Variants in RABGAP1L observed in about 807,000 individuals in gnomAD.
RABGAP1L encodes rab GTPase-activating protein 1-like.
RABGAP1L carries 63 observed loss-of-function variants against 137.7 expected under a neutral mutation model. The observed-to-expected ratio is 0.46, with a 90% CI of 0.37 to 0.56. The LOEUF (loss-of-function observed/expected upper bound fraction) is 0.56, where lower values mean the gene tolerates loss of function less well. Among genes scored for constraint, RABGAP1L ranks in the 20% least tolerant of loss-of-function variants. The pLI, the probability that RABGAP1L is intolerant of heterozygous loss-of-function variation, is 0.00. For synonymous variants in RABGAP1L, 431 were observed against 433.7 expected (o/e 0.99, Z 0.08); for missense variants, 1,095 against 1,244.0 (o/e 0.88, Z 1.80).
At chr1:174,918,108 C>G (rs557286847) in intron 19 of RABGAP1L, among the ~76,000 whole-genome samples, 16 of 108,248 alleles carry the variant, frequency 1.5e-4, no homozygotes, top group Non-Finnish European at 2.4e-4. Context: ...ATATAAGAGG[C>G]CTTTATAATT....
At chr1:174,841,691 G>A (rs1198772102) in intron 19 of RABGAP1L, among the ~76,000 whole-genome samples, 1 of 151,928 alleles carries the variant, frequency 6.6e-6, no homozygotes, top group Non-Finnish European at 1.5e-5. Flanking sequence ...AAATAATGGG[G>A]AAATGATAAA....
At chr1:174,179,238 G>A (rs1222737433) in intron 1 of RABGAP1L, among the ~76,000 whole-genome samples, 2 of 151,656 alleles carry the variant, frequency 1.3e-5, no homozygotes, top group African/African-American at 4.9e-5. Context: ...TGTTTTCTTC[G>A]AATTGACTGT....
intron 13 of RABGAP1L, among the ~76,000 whole-genome samples, chr1:174,598,629 G>A (rs912861663): frequency 1.7e-4 from 26 of 151,954 alleles, no homozygotes; most frequent in Admixed American, 2.6e-4. Context: ...TCCTTTTGTC[G>A]AATTGACCCC....
chr1:174,688,624 G>C (rs1385414303), intron 15 of RABGAP1L, among the ~76,000 whole-genome samples: 4 of 152,002 alleles, frequency 2.6e-5, no homozygotes, highest in African/African-American at 9.7e-5. Flanking sequence ...CTAATTAATA[G>C]TGTTTATAAC....
intron 19 of RABGAP1L, among the ~76,000 whole-genome samples, chr1:174,930,480 G>C (rs1558245861): frequency 1.3e-5 from 2 of 151,892 alleles, no homozygotes; most frequent in Non-Finnish European, 2.9e-5. Flanking sequence ...ACCATGCCTG[G>C]CTAATTTTTT....
intron 12 of RABGAP1L, among the ~76,000 whole-genome samples, chr1:174,374,502 A>G (rs1387850781): frequency 2.0e-5 from 3 of 149,242 alleles, no homozygotes; most frequent in African/African-American, 7.6e-5. Context: ...ATTGAAATTA[A>G]TCAGCAAAAC....
chr1:174,615,040 G>T (rs529159372), intron 13 of RABGAP1L, among the ~76,000 whole-genome samples: 328 of 152,232 alleles, frequency 2.2e-3, no homozygotes, highest in Non-Finnish European at 3.9e-3. Context: ...CCTGTAGCTC[G>T]GAGTAGTTTG....
At chr1:174,424,167 C>CT (rs1271649082) in intron 13 of RABGAP1L, among the ~76,000 whole-genome samples, 3 of 152,040 alleles carry the variant, frequency 2.0e-5, no homozygotes, top group Non-Finnish European at 4.4e-5. Flanking sequence ...GATATATCTT[C>CT]TTTTTTTCCG....
chr1:174,988,379 T>G (rs1483583757), intron 24 of RABGAP1L, among the ~76,000 whole-genome samples: 1 of 152,198 alleles, frequency 6.6e-6, no homozygotes, highest in Non-Finnish European at 1.5e-5. Context: ...ATAAAATTTC[T>G]AGAACAGATT....
At chr1:174,454,019 C>T (rs1655749305) in intron 13 of RABGAP1L, among the ~76,000 whole-genome samples, 1 of 152,134 alleles carries the variant, frequency 6.6e-6, no homozygotes, top group African/African-American at 2.4e-5. Context: ...AATCCCAGCA[C>T]TTTGGGAGGC....
At chr1:174,367,767 G>T (rs1357650888) in intron 11 of RABGAP1L, 5 of 197,774 alleles carry the variant, frequency 2.5e-5, no homozygotes, top group Non-Finnish European at 5.4e-5. Flanking sequence ...TATCCATAAG[G>T]ATGTCTCTTT....
chr1:174,906,762 A>G (rs555513868), intron 19 of RABGAP1L, among the ~76,000 whole-genome samples: 202 of 152,200 alleles, frequency 1.3e-3, no homozygotes, highest in Non-Finnish European at 2.5e-3. Flanking sequence ...ATCAAAGATA[A>G]GGAGAGGATT....
At chr1:174,269,680 G>C (rs762058677) in intron 7 of RABGAP1L, among the ~76,000 whole-genome samples, 1 of 152,118 alleles carries the variant, frequency 6.6e-6, no homozygotes, top group Non-Finnish European at 1.5e-5. Flanking sequence ...CAATTTTTCA[G>C]TGAAGTCAGC....
chr1:174,958,223 T>C (rs750190504), intron 20 of RABGAP1L: 2 of 1,280,570 alleles, frequency 1.6e-6, no homozygotes, highest in South Asian at 1.3e-5. Flanking sequence ...TTTCCACAAA[T>C]GAATTTATGA....
At chr1:174,537,611 T>C (rs1664991349) in intron 13 of RABGAP1L, among the ~76,000 whole-genome samples, 1 of 152,174 alleles carries the variant, frequency 6.6e-6, no homozygotes, top group Non-Finnish European at 1.5e-5. Flanking sequence ...AAAGAAAGTT[T>C]AGCCAGGCAG....
intron 18 of RABGAP1L, among the ~76,000 whole-genome samples, chr1:174,806,359 G>T (rs1361280000): frequency 6.6e-6 from 1 of 152,212 alleles, no homozygotes; most frequent in Non-Finnish European, 1.5e-5. Context: ...TAGCTACTAG[G>T]AAGACTGAGG....
intron 13 of RABGAP1L, among the ~76,000 whole-genome samples, chr1:174,405,108 A>G (rs567040001): frequency 6.6e-6 from 1 of 152,312 alleles, no homozygotes; most frequent in South Asian, 2.1e-4. Flanking sequence ...TATAATGATA[A>G]TATTGGAAAT....
intron 13 of RABGAP1L, among the ~76,000 whole-genome samples, chr1:174,464,313 T>C (rs961338507): frequency 2.1e-5 from 3 of 145,334 alleles, no homozygotes; most frequent in African/African-American, 8.3e-5. Flanking sequence ...CTTAATTAAT[T>C]GTTCTCTTTA....
chr1:174,860,909 T>C (rs1416538744), intron 19 of RABGAP1L, among the ~76,000 whole-genome samples: 1 of 152,018 alleles, frequency 6.6e-6, no homozygotes, highest in Non-Finnish European at 1.5e-5. Context: ...CCCATATAGT[T>C]AATGTGTGTG....
Sources: allele counts gnomAD v4.1 joint callset (sites outside exome capture counted in the v4.1 genomes callset), GRCh38; gene constraint gnomAD v4.1.1; transcripts MANE v1.5; gene names NCBI Gene and HGNC (gene_info 2026-07-23, HGNC 2026-07-21).